The following PKHD1 variants were observed in gnomAD, a reference collection of about 807,000 sequenced individuals.
PKHD1 encodes the protein PKHD1 ciliary IPT domain containing fibrocystin/polyductin.
In PKHD1, 291 loss-of-function variants were observed where a neutral mutation model predicts 412.0. The observed-to-expected ratio is 0.71, with a 90% CI of 0.64 to 0.78. The LOEUF (loss-of-function observed/expected upper bound fraction) is 0.78, where lower values mean the gene tolerates loss of function less well. Ranked by LOEUF, PKHD1 falls within the 30% of genes least tolerant of loss-of-function variation. PKHD1 has a pLI of 0.00. For synonymous variants in PKHD1, 1,777 were observed against 1,821.5 expected (o/e 0.98, Z 0.62); for missense variants, 4,825 against 4,950.7 (o/e 0.97, Z 0.76).
chr6:52,062,389 T>G, intron 14 of PKHD1, 130 bp downstream of exon 14: 1 of 967,780 alleles, frequency 1.0e-6, no homozygotes, highest in Non-Finnish European at 1.7e-6. Context: ...ACTGTCAAAC[T>G]CTGTTGTTGT....
At chr6:52,068,223 A>G in intron 11 of PKHD1, among the ~76,000 whole-genome samples, 1 of 152,178 alleles carries the variant, frequency 6.6e-6, no homozygotes, top group South Asian at 2.1e-4. Context: ...CTAGTGATTG[A>G]ATGTCAGCCC....
rs1201402132 is a variant in PKHD1, at chr6:52,022,918, C to T, written c.5263G>A (p.Val1755Met). 1 of 1,614,188 alleles carries T rather than the reference C, an allele frequency of 6.2e-7. No homozygotes were observed. The highest frequency in any genetic ancestry group is 1.3e-5 in the African/African-American group (1 of 75,042). Residue 1755 changes from valine to methionine, a missense_variant, in exon 33 of 67, where the codon GTG (valine) becomes ATG (methionine). Physicochemically the swap from Val to Met is conservative, Grantham distance 21 (BLOSUM62 1). Coordinates refer to ENST00000371117, the MANE Select transcript of PKHD1 (RefSeq NM_138694.4). The part of the protein sequence containing the change: ...FGCLGGRLVH[V>M]FGAGFSPGNV... The stretch of plus-strand genomic sequence containing the variant: ...CCTGGAGAAAATCCCGCTCCAAACA[C>T]ATGCACCAGCCTTCCACCCAGGCAG...
At chr6:51,751,075 C>A (rs1006436216) in intron 57 of PKHD1, among the ~76,000 whole-genome samples, 4 of 152,154 alleles carry the variant, frequency 2.6e-5, no homozygotes, top group Non-Finnish European at 5.9e-5. Context: ...CAGTGCCCAG[C>A]CTGAATGAAG....
intron 29 of PKHD1, among the ~76,000 whole-genome samples, chr6:52,031,715 T>C (rs968750873): frequency 7.2e-5 from 11 of 152,302 alleles, no homozygotes; most frequent in Admixed American, 5.9e-4. Flanking sequence ...CAACATCATC[T>C]CTTGGATGGA....
Position 52,039,202 on chromosome 6 carries a change from C to T in PKHD1, c.3098-3481G>A, listed in dbSNP as rs1300847670. On this transcript the variant is annotated intron_variant, in intron 27 of 66. Transcript: ENST00000371117. ...CATCTCATGCCCATTAAGATGGCTACTGTGAAAAATAATAATAACAAGCAC... is the reference window on the plus strand; with the variant it reads ...CATCTCATGCCCATTAAGATGGCTATTGTGAAAAATAATAATAACAAGCAC... Among the ~76,000 whole-genome samples, 3 of 152,116 alleles carry T rather than the reference C, an allele frequency of 2.0e-5. No individual in the cohort carries two copies. In the South Asian group the frequency reaches 6.2e-4, roughly 32 times the overall value.
chr6:52,000,351 A>T (rs1798220460), intron 35 of PKHD1, among the ~76,000 whole-genome samples: 1 of 152,198 alleles, frequency 6.6e-6, no homozygotes, highest in Non-Finnish European at 1.5e-5. Context: ...TAGCAATTTC[A>T]TAGCAAGCAG....
At chr6:51,729,265 T>C (rs1782956776) in intron 60 of PKHD1, among the ~76,000 whole-genome samples, 1 of 152,222 alleles carries the variant, frequency 6.6e-6, no homozygotes. Context: ...CTTAATTCTG[T>C]AGTAGAAAGA....
At chr6:52,005,196 C>T (rs971211337) in intron 35 of PKHD1, among the ~76,000 whole-genome samples, 2 of 152,156 alleles carry the variant, frequency 1.3e-5, no homozygotes, top group African/African-American at 2.4e-5. Context: ...CATTTCCCTG[C>T]CCCAGTTATC....
At chr6:51,919,921 G>T (rs1366927883) in intron 37 of PKHD1, among the ~76,000 whole-genome samples, 25 of 151,920 alleles carry the variant, frequency 1.6e-4, no homozygotes, top group Non-Finnish European at 2.8e-4. Context: ...CTCATGATTT[G>T]GTTCTTTGTC....
chr6:51,632,092 T>G (rs575528269), intron 65 of PKHD1, among the ~76,000 whole-genome samples: 1 of 152,014 alleles, frequency 6.6e-6, no homozygotes, highest in Non-Finnish European at 1.5e-5. Context: ...TACAGGCATC[T>G]GCCACCATGC....
intron 43 of PKHD1, among the ~76,000 whole-genome samples, chr6:51,896,161 C>A (rs1315634122): frequency 1.3e-5 from 2 of 152,164 alleles, no homozygotes; most frequent in African/African-American, 4.8e-5. Flanking sequence ...TGGGTGGAGC[C>A]CACCACAGCT....
At chr6:51,853,362 G>C (rs190478490) in intron 49 of PKHD1, among the ~76,000 whole-genome samples, 10 of 152,078 alleles carry the variant, frequency 6.6e-5, no homozygotes, top group African/African-American at 2.2e-4. Context: ...TTTTGACCTT[G>C]GACAATCTGA....
intron 52 of PKHD1, among the ~76,000 whole-genome samples, chr6:51,825,300 C>A (rs966917558): frequency 2.6e-5 from 4 of 152,160 alleles, no homozygotes; most frequent in African/African-American, 7.2e-5. Flanking sequence ...CCTTGCTTGA[C>A]CAAGAAGTTG....
chr6:51,940,165 G>T (rs1033400044), intron 36 of PKHD1, among the ~76,000 whole-genome samples: 1 of 151,586 alleles, frequency 6.6e-6, no homozygotes. Context: ...TCAAAAGGCC[G>T]TCTTATTCTC....
intron 60 of PKHD1, among the ~76,000 whole-genome samples, chr6:51,713,402 G>C (rs539661532): frequency 2.6e-5 from 4 of 152,182 alleles, no homozygotes; most frequent in Non-Finnish European, 5.9e-5. Flanking sequence ...AAGTTTGGTT[G>C]GCTTTGGATC....
At chr6:51,733,563 T>C (rs1348750027) in intron 60 of PKHD1, among the ~76,000 whole-genome samples, 4 of 149,752 alleles carry the variant, frequency 2.7e-5, no homozygotes, top group Non-Finnish European at 5.9e-5. Flanking sequence ...GTTAAGATGG[T>C]AAATTTTATA....
rs372414889 is a variant in PKHD1, at chr6:51,812,685, C to A, written c.8302+18176G>T. ...TTTTGAAATGGCTATGCAAAGCTGTCTCTTATGGGGGAAATTTATATTCTT... is the reference window on the plus strand; with the variant it reads ...TTTTGAAATGGCTATGCAAAGCTGTATCTTATGGGGGAAATTTATATTCTT... On this transcript the variant is annotated intron_variant, in intron 52 of 66. Coordinates refer to ENST00000371117, the MANE Select transcript of PKHD1 (RefSeq NM_138694.4). Among the ~76,000 whole-genome samples, 107 of 152,324 alleles carry A rather than the reference C, an allele frequency of 7.0e-4. 1 individual carries two copies. The highest frequency in any genetic ancestry group is 2.5e-3 in the African/African-American group (103 of 41,576).
intron 60 of PKHD1, among the ~76,000 whole-genome samples, chr6:51,709,398 T>C (rs1425766859): frequency 2.6e-5 from 4 of 152,236 alleles, no homozygotes; most frequent in African/African-American, 7.2e-5. Flanking sequence ...AGTGATGATT[T>C]ATTCTTGTTG....
chr6:52,012,609 C>G (rs981108919), intron 34 of PKHD1, among the ~76,000 whole-genome samples: 2 of 152,176 alleles, frequency 1.3e-5, no homozygotes, highest in East Asian at 3.8e-4. Flanking sequence ...TAGATCAATA[C>G]AGAAATGTGA....
Sources: allele counts gnomAD v4.1 joint callset (sites outside exome capture counted in the v4.1 genomes callset), GRCh38; gene constraint gnomAD v4.1.1; transcripts MANE v1.5; gene names NCBI Gene and HGNC (gene_info 2026-07-23, HGNC 2026-07-21).